Variants in MED27 observed in about 807,000 individuals in gnomAD.
MED27 encodes mediator of RNA polymerase II transcription subunit 27.
A neutral mutation model predicts 38.2 loss-of-function variants in MED27; 30 were observed. That is an observed-to-expected ratio of 0.79 (90% CI 0.59 to 1.07). The LOEUF (loss-of-function observed/expected upper bound fraction) is 1.07, where lower values mean the gene tolerates loss of function less well. MED27 is among the 50% of genes least tolerant of loss of function. The pLI, the probability that MED27 is intolerant of heterozygous loss-of-function variation, is 0.00. For missense variants in MED27, 289 were observed against 397.5 expected (o/e 0.73, Z 2.32); for synonymous variants, 122 against 153.5 (o/e 0.79, Z 1.52).
rs1173245090 is a variant in MED27 at position 131,893,971 on chromosome 9, T to C, written c.595A>G (p.Lys199Glu). Residue 199 changes from lysine (K) to glutamate (E), a missense_variant, in exon 5 of 8, where the codon AAA becomes GAA. By Grantham distance (56) the Lys-to-Glu change is moderately conservative. Coordinates refer to ENST00000292035, the MANE Select transcript of MED27 (RefSeq NM_004269.4). Reference sequence around the variant, plus strand: ...AGGCTCCGCATGACGACGATCACTTTCAACACCTTTCCCAAGGTCACCTGC... The same window carrying C: ...AGGCTCCGCATGACGACGATCACTTCCAACACCTTTCCCAAGGTCACCTGC... ...MLLVTLGKVL[K>E]VIVVMRSLFI... 6.2e-7 allele frequency: 1 copy of C among 1,614,202 alleles called. No individual in the cohort carries two copies. Among genetic ancestry groups the C allele is most frequent in the South Asian group, 1.1e-5 (1 of 91,078 alleles).
chr9:131,861,651 C>G lies in MED27; in HGVS notation c.802-979G>C, dbSNP rs1261289113. 6.6e-6 allele frequency among the ~76,000 whole-genome samples: 1 copy of G among 152,190 alleles called. No individual in the cohort carries two copies. Among genetic ancestry groups the G allele is most frequent in the African/African-American group, 2.4e-5 (1 of 41,426 alleles). On this transcript the variant is annotated intron_variant, in intron 7 of 7. Transcript: ENST00000292035. This position sits in a 1 kb window ranked among gnomAD's most constrained non-coding sequence, Gnocchi z 4.4. ...TTTCCCTAAGTAGAAGAAGTTCTGT[C>G]TCTGCCACAAATAGTACTCATGTCT...
intron 2 of MED27, among the ~76,000 whole-genome samples, chr9:132,035,501 G>A (rs1833053493): frequency 6.6e-6 from 1 of 152,164 alleles, no homozygotes; most frequent in South Asian, 2.1e-4. Flanking sequence ...AAGCAGATGG[G>A]GGGTGGTGAC....
chr9:131,940,273 C>G (rs1354972984), intron 3 of MED27, among the ~76,000 whole-genome samples: 1 of 152,116 alleles, frequency 6.6e-6, no homozygotes, highest in African/African-American at 2.4e-5. Context: ...CAAGTTATAT[C>G]ACAATTTTTA....
chr9:132,019,035 G>A (rs1198940766), intron 2 of MED27, among the ~76,000 whole-genome samples: 3 of 152,136 alleles, frequency 2.0e-5, no homozygotes, highest in African/African-American at 4.8e-5. Context: ...AGAGATCAAG[G>A]GGGTAGGGAG....
chr9:131,886,756 T>C (rs1480622471), intron 5 of MED27, among the ~76,000 whole-genome samples: 3 of 152,234 alleles, frequency 2.0e-5, no homozygotes, highest in Non-Finnish European at 4.4e-5. Flanking sequence ...CAGCTGGTCA[T>C]ATTTGGGAGG....
intron 3 of MED27, among the ~76,000 whole-genome samples, chr9:131,958,417 T>C (rs575978719): frequency 5.3e-5 from 8 of 152,228 alleles, no homozygotes; most frequent in African/African-American, 1.4e-4. Context: ...GGCTAATTTT[T>C]TTGTATTTTT....
At chr9:131,936,147 A>AAAAAG (rs1554757791) in intron 4 of MED27, among the ~76,000 whole-genome samples, 9 of 150,560 alleles carry the variant, frequency 6.0e-5, no homozygotes, top group African/African-American at 2.0e-4. Flanking sequence ...AAAAAAAAAA[A>AAAAAG]AAAGAAAGAA....
chr9:131,908,238 G>C (rs542679265), intron 4 of MED27, among the ~76,000 whole-genome samples: 1 of 144,086 alleles, frequency 6.9e-6, no homozygotes, highest in Non-Finnish European at 1.5e-5. Context: ...CAGCCGCCCC[G>C]TCCGGGAGGG....
chr9:132,047,244 G>A (rs1000237636), intron 2 of MED27, among the ~76,000 whole-genome samples: 4 of 152,050 alleles, frequency 2.6e-5, no homozygotes, highest in Non-Finnish European at 5.9e-5. Flanking sequence ...AGCAAAGACA[G>A]AGGCAGAGCA....
chr9:132,005,254 TCCC>T (rs1832334400), intron 3 of MED27, among the ~76,000 whole-genome samples: 1 of 152,158 alleles, frequency 6.6e-6, no homozygotes, highest in African/African-American at 2.4e-5. Context: ...AGGAAGATGA[TCCC>T]ATACCCTTGG....
intron 2 of MED27, among the ~76,000 whole-genome samples, chr9:132,038,940 A>G (rs1422217801): frequency 6.6e-6 from 1 of 152,224 alleles, no homozygotes; most frequent in Non-Finnish European, 1.5e-5. Flanking sequence ...GCCTGCTGGT[A>G]GAGAACAGGC....
At chr9:131,866,548 C>T (rs1006123411) in intron 6 of MED27, among the ~76,000 whole-genome samples, 13 of 152,278 alleles carry the variant, frequency 8.5e-5, no homozygotes, top group Admixed American at 4.6e-4. Context: ...TGTCTCAACA[C>T]GGCTCAGAGG....
At chr9:131,975,228 T>G (rs1404276798) in intron 3 of MED27, among the ~76,000 whole-genome samples, 1 of 152,204 alleles carries the variant, frequency 6.6e-6, no homozygotes, top group Admixed American at 6.5e-5. Context: ...TATAATCAAA[T>G]AAATAGCAGC....
At chr9:132,034,085 A>T (rs1833021671) in intron 2 of MED27, among the ~76,000 whole-genome samples, 1 of 152,194 alleles carries the variant, frequency 6.6e-6, no homozygotes, top group Admixed American at 6.5e-5. Flanking sequence ...ATAGATGAGG[A>T]GTCATGAGTA....
At chr9:131,942,479 G>C (rs772594741) in intron 3 of MED27, among the ~76,000 whole-genome samples, 1 of 152,194 alleles carries the variant, frequency 6.6e-6, no homozygotes, top group Non-Finnish European at 1.5e-5. Context: ...AACATCCACT[G>C]TCCTGTGTGA....
intron 2 of MED27, among the ~76,000 whole-genome samples, chr9:132,053,110 G>C (rs985376714): frequency 2.4e-4 from 37 of 152,176 alleles, no homozygotes; most frequent in African/African-American, 8.7e-4. Flanking sequence ...AAAATTAGCC[G>C]GGCGTGGTTG....
chr9:131,955,069 C>T (rs746727337), intron 3 of MED27, among the ~76,000 whole-genome samples: 25 of 151,934 alleles, frequency 1.6e-4, no homozygotes, highest in Non-Finnish European at 2.6e-4. Flanking sequence ...AGCCGGGTCT[C>T]GAAACATGCA....
intron 3 of MED27, among the ~76,000 whole-genome samples, chr9:131,964,341 G>GAA: frequency 6.6e-6 from 1 of 152,014 alleles, no homozygotes; most frequent in East Asian, 1.9e-4. Context: ...GATGGTGGTG[G>GAA]TGGTGGAGGT....
Position 132,006,898 on chromosome 9 carries a change from T to C in MED27, c.479+7439A>G, listed in dbSNP as rs11243594. ...GTTTTACATCAAGCAAAAAACAACA[T>C]GAGCCTCTGACTTTCAAGAACAGAA... is the stretch of plus-strand genomic sequence containing the variant. On this transcript the variant is annotated intron_variant, in intron 3 of 7. Coordinates refer to ENST00000292035, the MANE Select transcript of MED27 (RefSeq NM_004269.4). Among the ~76,000 whole-genome samples the C allele has an allele frequency of 8.4e-3, 1,285 of 152,312 alleles. 21 individuals are homozygous for C. Among genetic ancestry groups the C allele is most frequent in the African/African-American group, 0.029 (1,217 of 41,562 alleles).
Sources: gnomAD v4.1 joint callset for allele counts (sites outside exome capture counted in the v4.1 genomes callset) on GRCh38, gnomAD v4.1.1 for gene constraint, Gnocchi (gnomAD v3.1) non-coding constraint, MANE v1.5 for transcripts, NCBI Gene and HGNC (gene_info 2026-07-23, HGNC 2026-07-21) for gene names.